Variants in MPP7 observed in about 807,000 individuals in gnomAD.
MPP7 encodes the protein MAGUK p55 scaffold protein 7, also known as MAGUK p55 subfamily member 7.
A neutral mutation model predicts 76.5 loss-of-function variants in MPP7; 60 were observed. The observed-to-expected ratio is 0.78, with a 90% CI of 0.64 to 0.97. The LOEUF is 0.97. MPP7 is among the 50% of genes least tolerant of loss of function. The pLI, the probability that MPP7 is intolerant of heterozygous loss-of-function variation, is 0.00. For missense variants in MPP7, 641 were observed against 694.0 expected, an observed-to-expected ratio of 0.92 and a Z score of 0.86; for synonymous variants, 237 against 244.5, an observed-to-expected ratio of 0.97 and a Z score of 0.29.
At chr10:28,328,177 A>G (rs1405918328) in intron 2 of MPP7, among the ~76,000 whole-genome samples, 2 of 152,226 alleles carry the variant, frequency 1.3e-5, no homozygotes, top group Non-Finnish European at 2.9e-5. Context: ...TTTTTTAAGA[A>G]AAAAATAAAA....
chr10:28,085,399 C>A (rs1440310440), intron 12 of MPP7, among the ~76,000 whole-genome samples: 1 of 152,084 alleles, frequency 6.6e-6, no homozygotes, highest in African/African-American at 2.4e-5. Context: ...AGGACAGGAC[C>A]CTCTTAAAAA....
intron 1 of MPP7, among the ~76,000 whole-genome samples, chr10:28,241,262 A>G (rs2132767668): frequency 6.6e-6 from 1 of 152,300 alleles, no homozygotes. Flanking sequence ...TATGCCATAT[A>G]CAAAAAGCCC....
intron 2 of MPP7, among the ~76,000 whole-genome samples, chr10:28,309,943 G>A (rs1841280309): frequency 6.6e-6 from 1 of 151,622 alleles, no homozygotes; most frequent in African/African-American, 2.4e-5. Flanking sequence ...CAGAAACTGA[G>A]CAGATGCTGG....
At chr10:28,326,161 G>A (rs1344067698) in intron 2 of MPP7, among the ~76,000 whole-genome samples, 4 of 152,124 alleles carry the variant, frequency 2.6e-5, no homozygotes, top group African/African-American at 9.7e-5. Flanking sequence ...ACGTGATAAT[G>A]CAGAGAAACG....
intron 2 of MPP7, 145 bp downstream of exon 2, chr10:28,238,423 T>C (rs1167532936): frequency 6.3e-6 from 5 of 794,274 alleles, no homozygotes; most frequent in Non-Finnish European, 1.0e-5. Flanking sequence ...TAGGAGGGCA[T>C]CCCTGAGTTG....
chr10:28,177,440 T>C (rs1588888231), intron 3 of MPP7, among the ~76,000 whole-genome samples: 1 of 78,366 alleles, frequency 1.3e-5, no homozygotes, highest in South Asian at 3.4e-4. Flanking sequence ...ACTGATTCAC[T>C]TTTGGAGGGT....
At chr10:28,231,408 T>A (rs1025897505) in intron 2 of MPP7, among the ~76,000 whole-genome samples, 18 of 151,558 alleles carry the variant, frequency 1.2e-4, no homozygotes, top group African/African-American at 4.4e-4. Flanking sequence ...ACAGTAAAAA[T>A]TAATGAAATA....
chr10:28,283,052 T>C (rs61845937), intron 1 of MPP7, among the ~76,000 whole-genome samples: 33 of 152,066 alleles, frequency 2.2e-4, no homozygotes, highest in Non-Finnish European at 4.6e-4. Context: ...TGCAGTGGGC[T>C]ACTTTTCAAT....
chr10:28,124,598 T>C (rs1834952852), intron 7 of MPP7, among the ~76,000 whole-genome samples: 1 of 149,472 alleles, frequency 6.7e-6, no homozygotes, highest in South Asian at 2.2e-4. Flanking sequence ...GCCTCAGCCT[T>C]GCAAGTAGCT....
chr10:28,177,451 G>A (rs1374640184), intron 3 of MPP7, among the ~76,000 whole-genome samples: 1 of 151,638 alleles, frequency 6.6e-6, no homozygotes, highest in East Asian at 1.9e-4. Flanking sequence ...TTTGGAGGGT[G>A]CAAGGGCACC....
At chr10:28,093,977 A>C (rs1004537624) in intron 11 of MPP7, among the ~76,000 whole-genome samples, 1 of 152,210 alleles carries the variant, frequency 6.6e-6, no homozygotes, top group African/African-American at 2.4e-5. Context: ...TTCCTGTTTC[A>C]TCTGCTTCAT....
chr10:28,112,566 TA>T (rs1735282709), intron 11 of MPP7, among the ~76,000 whole-genome samples: 1 of 152,228 alleles, frequency 6.6e-6, no homozygotes, highest in South Asian at 2.1e-4. Flanking sequence ...GAGAAAATGA[TA>T]TTTTTATATC....
intron 1 of MPP7, among the ~76,000 whole-genome samples, chr10:28,252,930 C>T (rs560473618): frequency 4.0e-5 from 6 of 150,018 alleles, no homozygotes; most frequent in Non-Finnish European, 7.4e-5. Flanking sequence ...GAGGGGGGGG[C>T]GGAGTCCCAC....
intron 3 of MPP7, among the ~76,000 whole-genome samples, chr10:28,154,099 C>A (rs1835969897): frequency 6.6e-6 from 1 of 152,150 alleles, no homozygotes. Flanking sequence ...GGCCACTTTG[C>A]TAACTTTACA....
intron 1 of MPP7, among the ~76,000 whole-genome samples, 159 bp downstream of exon 1, chr10:28,302,702 G>A (rs1841191851): frequency 6.6e-6 from 1 of 151,906 alleles, no homozygotes; most frequent in Non-Finnish European, 1.5e-5. Context: ...CCCGCCGCGG[G>A]CTCCCAGGCT....
chr10:28,245,128 C>A (rs572614427), intron 1 of MPP7, among the ~76,000 whole-genome samples: 1 of 152,218 alleles, frequency 6.6e-6, no homozygotes, highest in African/African-American at 2.4e-5. Context: ...CACCACTGAC[C>A]ATCAATGACC....
intron 12 of MPP7, among the ~76,000 whole-genome samples, chr10:28,081,800 T>C (rs1852775356): frequency 6.6e-6 from 1 of 151,002 alleles, no homozygotes; most frequent in South Asian, 2.1e-4. Context: ...AGTCTTGCTC[T>C]GTCACTCAGT....
intron 2 of MPP7, among the ~76,000 whole-genome samples, chr10:28,215,661 G>A (rs1413291754): frequency 1.3e-5 from 2 of 152,100 alleles, no homozygotes; most frequent in African/African-American, 4.8e-5. Context: ...AGACTCTAGA[G>A]CCATGCGACA....
At chr10:28,056,111 T>G (rs754982156) in intron 16 of MPP7, among the ~76,000 whole-genome samples, 1 of 152,214 alleles carries the variant, frequency 6.6e-6, no homozygotes, top group East Asian at 1.9e-4. Context: ...GGTCTCACTC[T>G]GTCGCCCAGG....
Sources: allele counts gnomAD v4.1 joint callset (sites outside exome capture counted in the v4.1 genomes callset), GRCh38; gene constraint gnomAD v4.1.1; transcripts MANE v1.5; gene names NCBI Gene and HGNC (gene_info 2026-07-23, HGNC 2026-07-21).